WDR12: variants seen among roughly 807,000 people sequenced by gnomAD.
WDR12 encodes the protein WD repeat domain 12.
A neutral mutation model predicts 64.3 loss-of-function variants in WDR12; 42 were observed. The ratio of observed to expected loss-of-function variants is 0.65; its 90% CI spans 0.51 to 0.84. WDR12 has a LOEUF of 0.84. Among genes scored for constraint, WDR12 ranks in the 40% least tolerant of loss-of-function variants. The probability of loss-of-function intolerance (pLI) is 0.00; values close to 1 mark genes in which losing one functional copy is unlikely to be tolerated. For missense variants in WDR12, 469 were observed against 494.6 expected, an observed-to-expected ratio of 0.95 and a Z score of 0.49; for synonymous variants, 158 against 173.3, an observed-to-expected ratio of 0.91 and a Z score of 0.70.
At chr2:202,895,626 G>T (rs1440739732) in intron 6 of WDR12, among the ~76,000 whole-genome samples, 1 of 147,544 alleles carries the variant, frequency 6.8e-6, no homozygotes, top group East Asian at 2.0e-4. Flanking sequence ...GGGTTCAAGT[G>T]ATTCTCCTAC....
In WDR12 at chr2:202,883,799, A is replaced by G. The variant is rs1173092628; in HGVS notation, c.989-58T>C. The G allele has an allele frequency of 2.0e-6, 3 of 1,533,378 alleles. No homozygotes were observed. The African/African-American group carries it at 5.0e-5, about 25-fold the overall frequency. 95.0% of individuals were successfully genotyped at this position (1,533,378 alleles called of 1,614,324 possible). On this transcript the variant is annotated intron_variant, in intron 10 of 12. Transcript: ENST00000261015. ...TTAGAAAAGGGAAGTAGGTAGAAGG[A>G]ACCCAAAAAATATTTGTAGAAATTT...
chr2:202,890,394 G>C (rs1191551534), intron 8 of WDR12, among the ~76,000 whole-genome samples: 1 of 152,236 alleles, frequency 6.6e-6, no homozygotes, highest in South Asian at 2.1e-4. Context: ...TTGAGAGGCA[G>C]GCTAGAGGCA....
chr2:202,887,744 C>T (rs540291531), intron 8 of WDR12, among the ~76,000 whole-genome samples: 3 of 151,208 alleles, frequency 2.0e-5, no homozygotes, highest in Non-Finnish European at 3.0e-5. Context: ...AAAAATTAGC[C>T]GGGCGCGGTG....
chr2:202,877,384 A>G lies in WDR12; in HGVS notation c.*3476T>C, dbSNP rs2105900609. ...TTATTTGGGCTGGGTGCGGTGGCTC[A>G]TGCCTGTAATCTCAGCACTTTGGGA... is the stretch of plus-strand genomic sequence containing the variant. On this transcript the variant is annotated 3_prime_UTR_variant, in exon 13 of 13. Coordinates refer to ENST00000261015, the MANE Select transcript of WDR12 (RefSeq NM_018256.4). The G allele has an allele frequency of 6.6e-6, 1 of 152,312 alleles. No homozygotes were observed. The highest frequency in any genetic ancestry group is 2.4e-5 in the African/African-American group (1 of 41,584). The allele number at this position is 152,312 out of a possible 1,614,324, so 9.4% of individuals were successfully genotyped here.
In WDR12 at chr2:202,896,126, T is replaced by A. The variant is rs773376948; in HGVS notation, c.548A>T (p.His183Leu). 1 of 1,614,008 alleles carries A rather than the reference T, an allele frequency of 6.2e-7. No individual in the cohort carries two copies. Among genetic ancestry groups the A allele is most frequent in the Non-Finnish European group, 8.5e-7 (1 of 1,180,002 alleles). Reference protein sequence around the residue: ...NVERNKVKALHCCRGHAGSVD... With the variant: ...NVERNKVKALLCCRGHAGSVD... ...ACTTCCAGCATGACCTCTACAGCAG[T>A]GTAGGGCTTTCACTTTGTTTCTCTC... is the stretch of plus-strand genomic sequence containing the variant. Residue 183 changes from histidine to leucine, a missense_variant, in exon 6 of 13, where the codon CAC becomes CTC. His to Leu is a moderately conservative substitution (Grantham distance 99). Transcript: ENST00000261015.
chr2:202,895,952 TC>T (rs1688234386), intron 6 of WDR12, 112 bp downstream of exon 6: 1 of 1,240,456 alleles, frequency 8.1e-7, no homozygotes, highest in African/African-American at 1.5e-5. Context: ...CTATCTTTTG[TC>T]ACCGATTGTT....
Position 202,876,425 on chromosome 2 carries a change from CA to C in WDR12, c.*4434del, listed in dbSNP as rs1399496790. On this transcript the variant is annotated 3_prime_UTR_variant, in exon 13 of 13. Coordinates refer to ENST00000261015, the MANE Select transcript of WDR12 (RefSeq NM_018256.4). Reference sequence around the variant, plus strand: ...TGTTTGATACTTAATCTATGATAGTCAAAAATGTCAACAATGAAGTGACTAA... The same window carrying C: ...TGTTTGATACTTAATCTATGATAGTCAAAATGTCAACAATGAAGTGACTAA... The C allele has an allele frequency of 6.6e-6, 1 of 152,100 alleles. No homozygotes were observed. The highest frequency in any genetic ancestry group is 6.5e-5 in the Admixed American group (1 of 15,268). 9.4% of individuals were successfully genotyped at this position (152,100 alleles called of 1,614,324 possible).
At chr2:202,888,127 A>G (rs895078272) in intron 8 of WDR12, among the ~76,000 whole-genome samples, 6 of 152,212 alleles carry the variant, frequency 3.9e-5, no homozygotes, top group African/African-American at 1.2e-4. Flanking sequence ...ACCACAGAAT[A>G]CTACTCAGCA....
intron 8 of WDR12, among the ~76,000 whole-genome samples, chr2:202,885,870 G>A (rs2105903834): frequency 6.6e-6 from 1 of 152,216 alleles, no homozygotes; most frequent in East Asian, 1.9e-4. Flanking sequence ...GAACAGCCTA[G>A]GCAACATAGT....
At chr2:202,885,169 G>C (rs1056812215) in intron 8 of WDR12, among the ~76,000 whole-genome samples, 1 of 152,186 alleles carries the variant, frequency 6.6e-6, no homozygotes, top group Non-Finnish European at 1.5e-5. Flanking sequence ...CAGCTGTACT[G>C]CAAGTGAGGC....
intron 4 of WDR12, among the ~76,000 whole-genome samples, chr2:202,897,840 G>A (rs1449140349): frequency 1.5e-5 from 2 of 133,332 alleles, no homozygotes; most frequent in Non-Finnish European, 3.1e-5. Flanking sequence ...AGTGAGCCGA[G>A]ATTGCGCCAC....
chr2:202,911,071 A>T (rs1386786851), intron 1 of WDR12, among the ~76,000 whole-genome samples: 1 of 152,186 alleles, frequency 6.6e-6, no homozygotes, highest in African/African-American at 2.4e-5. Flanking sequence ...CACTGGTTAA[A>T]ATGTTTATAT....
Position 202,876,920 on chromosome 2 carries a change from G to T in WDR12, c.*3940C>A. 1 of 152,566 alleles carries T rather than the reference G, an allele frequency of 6.6e-6. No homozygotes were observed. The highest frequency in any genetic ancestry group is 1.9e-4 in the South Asian group (1 of 5,144). 9.5% of individuals were successfully genotyped at this position (152,566 alleles called of 1,614,324 possible). On this transcript the variant is annotated 3_prime_UTR_variant, in exon 13 of 13. Transcript: ENST00000261015. ...CACTCTAGCTTGGGCAACATAGTGA[G>T]ACCCTGTCTCTAAAAAATGAACAAA...
At chr2:202,903,088 C>CA (rs1485994539) in intron 2 of WDR12, among the ~76,000 whole-genome samples, 3 of 151,732 alleles carry the variant, frequency 2.0e-5, no homozygotes, top group South Asian at 2.1e-4. Flanking sequence ...CAAAAAAAAC[C>CA]AAAAAAACAA....
intron 1 of WDR12, among the ~76,000 whole-genome samples, chr2:202,910,986 A>G (rs1387496474): frequency 6.6e-6 from 1 of 152,338 alleles, no homozygotes. Flanking sequence ...AAACACAAAG[A>G]AAGCTAACAA....
At chr2:202,898,066 C>A (rs1688283666) in intron 4 of WDR12, among the ~76,000 whole-genome samples, 1 of 35,846 alleles carries the variant, frequency 2.8e-5, no homozygotes, top group African/African-American at 5.8e-5. Flanking sequence ...GTTAATATTC[C>A]AAAACCACCC....
intron 7 of WDR12, among the ~76,000 whole-genome samples, 197 bp from the exon 8 acceptor site, chr2:202,892,899 T>C (rs1688178601): frequency 1.3e-5 from 2 of 152,210 alleles, no homozygotes; most frequent in Non-Finnish European, 2.9e-5. Context: ...AAATAAAAAA[T>C]AAAACATAAA....
intron 7 of WDR12, among the ~76,000 whole-genome samples, 190 bp from the exon 8 acceptor site, chr2:202,892,892 T>TA (rs2105906713): frequency 1.3e-5 from 2 of 152,180 alleles, no homozygotes; most frequent in Non-Finnish European, 2.9e-5. Flanking sequence ...TCTCTAAAAA[T>TA]AAAAAATAAA....
At position 202,911,617 on chromosome 2, in the gene WDR12, G is replaced by T. The variant is rs912842984; in HGVS notation, c.-141C>A. ...AGCGAGGAACTGCAGTCTAAGCCTG[G>T]ACTCTGCCTTCTGCCCTCCGGTCTC... On this transcript the variant is annotated 5_prime_UTR_variant, in exon 1 of 13. Coordinates refer to ENST00000261015, the MANE Select transcript of WDR12 (RefSeq NM_018256.4). The T allele has an allele frequency of 3.9e-6, 3 of 777,114 alleles. No homozygotes were observed. The highest frequency in any genetic ancestry group is 1.7e-5 in the African/African-American group (1 of 58,554). The allele number at this position is 777,114 out of a possible 1,614,324, so 48.1% of individuals were successfully genotyped here. A position where few individuals can be genotyped will look rare whatever the true frequency, so the allele number is the denominator to read the frequency against.
Sources: gnomAD v4.1 joint callset for allele counts (sites outside exome capture counted in the v4.1 genomes callset) on GRCh38, gnomAD v4.1.1 for gene constraint, MANE v1.5 for transcripts, NCBI Gene and HGNC (gene_info 2026-07-23, HGNC 2026-07-21) for gene names.